TRIM44: variants seen among roughly 807,000 people sequenced by gnomAD.
TRIM44 encodes tripartite motif-containing protein 44.
A neutral mutation model predicts 37.4 loss-of-function variants in TRIM44; 13 were observed. The ratio of observed to expected loss-of-function variants is 0.35; its 90% confidence interval spans 0.23 to 0.55. The LOEUF is 0.55. Ranked by LOEUF, TRIM44 falls within the 20% of genes least tolerant of loss-of-function variation. The probability of loss-of-function intolerance (pLI) is 0.89; values close to 1 mark genes in which losing one functional copy is unlikely to be tolerated. For missense variants in TRIM44, 426 were observed against 437.2 expected (o/e 0.97, Z 0.23); for synonymous variants, 175 against 157.2 (o/e 1.11, Z -0.85).
chr11:35,674,959 G>T (rs1851443015), intron 1 of TRIM44, among the ~76,000 whole-genome samples: 1 of 152,178 alleles, frequency 6.6e-6, no homozygotes, highest in African/African-American at 2.4e-5. Flanking sequence ...GATGGGTAGG[G>T]TGTTACTAGG....
At chr11:35,733,462 A>G (rs1044134505) in intron 3 of TRIM44, among the ~76,000 whole-genome samples, 12 of 152,342 alleles carry the variant, frequency 7.9e-5, no homozygotes, top group African/African-American at 2.4e-4. Context: ...TTTAAATTAT[A>G]TAACTTTTTA....
At chr11:35,719,523 TCA>T (rs1316745176) in intron 2 of TRIM44, among the ~76,000 whole-genome samples, 2 of 152,184 alleles carry the variant, frequency 1.3e-5, no homozygotes, top group African/African-American at 4.8e-5. Context: ...CTCTTCTCTT[TCA>T]CAGAGCAGAG....
intron 4 of TRIM44, among the ~76,000 whole-genome samples, chr11:35,774,904 T>C (rs892086537): frequency 1.3e-4 from 20 of 152,230 alleles, no homozygotes; most frequent in Admixed American, 5.9e-4. Flanking sequence ...GGTAGCGTGA[T>C]GCCTCCATCT....
At chr11:35,743,978 C>T (rs563858554) in intron 4 of TRIM44, among the ~76,000 whole-genome samples, 1 of 152,248 alleles carries the variant, frequency 6.6e-6, no homozygotes, top group African/African-American at 2.4e-5. Flanking sequence ...AACTTGATGT[C>T]AACATTATGA....
chr11:35,738,166 T>G (rs1564988342), intron 4 of TRIM44, among the ~76,000 whole-genome samples: 2 of 152,162 alleles, frequency 1.3e-5, no homozygotes, highest in African/African-American at 4.8e-5. Context: ...CATTTCTGTC[T>G]TAGGAGAGCC....
chr11:35,806,338 G>T lies in TRIM44; in HGVS notation c.1008-20G>T. 2.5e-6 allele frequency: 4 copies of T among 1,613,504 alleles called. No homozygotes were observed. The highest frequency in any genetic ancestry group is 3.4e-6 in the Non-Finnish European group (4 of 1,179,656). ...TTCTTGTGATATCTTAACTCACCTG[G>T]TTCTCCTTTTCCTTTGTAGTGGTGC... On this transcript the variant is annotated intron_variant, in intron 4 of 4. Transcript: ENST00000299413.
At chr11:35,742,429 TTAA>T (rs935670263) in intron 4 of TRIM44, among the ~76,000 whole-genome samples, 32 of 139,920 alleles carry the variant, frequency 2.3e-4, no homozygotes, top group Non-Finnish European at 3.8e-4. Flanking sequence ...TGTTAATATA[TTAA>T]TATTATATTA....
In TRIM44 at chr11:35,663,068, C is replaced by G. The variant is rs541774511; in HGVS notation, c.-44C>G. 6.8e-7 allele frequency: 1 copy of G among 1,475,132 alleles called. No individual in the cohort carries two copies. The highest frequency in any genetic ancestry group is 1.4e-5 in the South Asian group (1 of 70,392). The allele number at this position is 1,475,132 out of a possible 1,614,324, so 91.4% of individuals were successfully genotyped here. Reference sequence around the variant, plus strand: ...GTGAGGCCGCGCGGAAGGAAGGCGGCGAGCCCCGGGGCCCCGAGGCCTTGG... The same window carrying G: ...GTGAGGCCGCGCGGAAGGAAGGCGGGGAGCCCCGGGGCCCCGAGGCCTTGG... On this transcript the variant is annotated 5_prime_UTR_variant, in exon 1 of 5. Transcript: ENST00000299413.
rs369599815 is a variant in TRIM44, at chr11:35,816,057, CA to C, written c.*9673del. The C allele has an allele frequency of 1.6e-4, 24 of 152,280 alleles. No individual in the cohort carries two copies. The East Asian group carries it at 3.5e-3, about 22-fold the overall frequency. 9.4% of individuals were successfully genotyped at this position (152,280 alleles called of 1,614,324 possible). On this transcript the variant is annotated 3_prime_UTR_variant, in exon 5 of 5. Transcript: ENST00000299413. ...GACCTGGCCTAGTTCACAAGGCAGTCAGAAGTGATCCAAAGTTCAGGCTCCC... is the reference window on the plus strand; with the variant it reads ...GACCTGGCCTAGTTCACAAGGCAGTCGAAGTGATCCAAAGTTCAGGCTCCC...
chr11:35,801,934 C>T (rs766689282), intron 4 of TRIM44, among the ~76,000 whole-genome samples: 17 of 152,098 alleles, frequency 1.1e-4, no homozygotes, highest in Non-Finnish European at 7.3e-5. Context: ...AAATTAATTC[C>T]TGAAATCATA....
intron 4 of TRIM44, among the ~76,000 whole-genome samples, chr11:35,747,661 G>C (rs1001322510): frequency 2.6e-5 from 4 of 152,056 alleles, no homozygotes; most frequent in African/African-American, 9.7e-5. Context: ...AGTTGAGGTG[G>C]GGCTTGCCAG....
At chr11:35,788,704 C>G (rs760085651) in intron 4 of TRIM44, among the ~76,000 whole-genome samples, 7 of 152,176 alleles carry the variant, frequency 4.6e-5, no homozygotes, top group Non-Finnish European at 8.8e-5. Context: ...GTTAATGGCT[C>G]TATTTCCAAA....
At chr11:35,693,548 T>G (rs951796023) in intron 2 of TRIM44, among the ~76,000 whole-genome samples, 2 of 152,278 alleles carry the variant, frequency 1.3e-5, no homozygotes, top group African/African-American at 2.4e-5. Context: ...AAAGTCTTAG[T>G]TTGATTGGGT....
intron 4 of TRIM44, among the ~76,000 whole-genome samples, chr11:35,771,134 G>C (rs1404429308): frequency 6.6e-6 from 1 of 152,168 alleles, no homozygotes; most frequent in Non-Finnish European, 1.5e-5. Context: ...AGAAGACAGG[G>C]AAATGTGGGA....
At chr11:35,750,294 A>G (rs148856866) in intron 4 of TRIM44, among the ~76,000 whole-genome samples, 4 of 152,284 alleles carry the variant, frequency 2.6e-5, no homozygotes, top group Non-Finnish European at 2.9e-5. Flanking sequence ...AGGGGCATAT[A>G]TTTATTCTGT....
intron 1 of TRIM44, among the ~76,000 whole-genome samples, chr11:35,669,515 A>C (rs1306117435): frequency 6.6e-6 from 1 of 151,906 alleles, no homozygotes; most frequent in Non-Finnish European, 1.5e-5. Flanking sequence ...CACTCTTGTC[A>C]CCCAGGCTGG....
chr11:35,707,040 A>C (rs1176263525), intron 2 of TRIM44, among the ~76,000 whole-genome samples: 1 of 152,198 alleles, frequency 6.6e-6, no homozygotes, highest in African/African-American at 2.4e-5. Flanking sequence ...AAATCTCCTT[A>C]AGCTGATAAG....
chr11:35,758,254 T>A (rs537864264), intron 4 of TRIM44, among the ~76,000 whole-genome samples: 38 of 152,354 alleles, frequency 2.5e-4, no homozygotes, highest in African/African-American at 7.9e-4. Context: ...CATTATGTAA[T>A]GGCCTTCTTT....
chr11:35,796,190 C>T (rs1853284782), intron 4 of TRIM44, among the ~76,000 whole-genome samples: 1 of 152,198 alleles, frequency 6.6e-6, no homozygotes, highest in Admixed American at 6.5e-5. Context: ...TCATGGGACT[C>T]CCAAAGCTAC....
Sources: gnomAD v4.1 joint callset for allele counts (sites outside exome capture counted in the v4.1 genomes callset) on GRCh38, gnomAD v4.1.1 for gene constraint, MANE v1.5 for transcripts, NCBI Gene and HGNC (gene_info 2026-07-23, HGNC 2026-07-21) for gene names.